FLT1: variants seen among roughly 807,000 people sequenced by gnomAD.
FLT1 encodes vascular endothelial growth factor receptor 1.
Under a neutral mutation model 156.3 loss-of-function variants are expected in FLT1, and 49 were observed. The observed-to-expected ratio is 0.31, with a 90% CI of 0.25 to 0.40. The LOEUF is 0.40. Among genes scored for constraint, FLT1 ranks in the 10% least tolerant of loss-of-function variants. The pLI, the probability that FLT1 is intolerant of heterozygous loss-of-function variation, is 1.00. For synonymous variants in FLT1, 594 were observed against 583.8 expected, an observed-to-expected ratio of 1.02 and a Z score of -0.25; for missense variants, 1,322 against 1,637.2, an observed-to-expected ratio of 0.81 and a Z score of 3.32.
chr13:28,402,808 G>A (rs952397165), intron 11 of FLT1, among the ~76,000 whole-genome samples: 1 of 151,716 alleles, frequency 6.6e-6, no homozygotes, highest in Non-Finnish European at 1.5e-5. Context: ...TTTACTTTTT[G>A]AGACAGAGTC....
intron 14 of FLT1, among the ~76,000 whole-genome samples, chr13:28,381,993 C>A (rs1199232648): frequency 6.6e-6 from 1 of 151,996 alleles, no homozygotes; most frequent in Non-Finnish European, 1.5e-5. Context: ...ATAAATAAGA[C>A]AAATAAGATA....
chr13:28,364,953 T>G (rs1036843230), intron 14 of FLT1, among the ~76,000 whole-genome samples: 5 of 152,218 alleles, frequency 3.3e-5, no homozygotes, highest in African/African-American at 1.2e-4. Flanking sequence ...ACTTCAGATT[T>G]TGCTTGTCAA....
intron 10 of FLT1, among the ~76,000 whole-genome samples, chr13:28,422,353 A>T (rs1013663334): frequency 4.6e-5 from 7 of 152,126 alleles, no homozygotes; most frequent in Non-Finnish European, 1.0e-4. Context: ...ACGTGGTACA[A>T]CTCTGTCTAT....
intron 15 of FLT1, among the ~76,000 whole-genome samples, chr13:28,351,051 G>A (rs1228041349): frequency 1.3e-5 from 2 of 149,948 alleles, no homozygotes; most frequent in African/African-American, 2.5e-5. Flanking sequence ...TGGACCTCAA[G>A]TGCAGAGTAA....
intron 25 of FLT1, 70 bp downstream of exon 25, chr13:28,317,428 A>G: frequency 1.0e-6 from 1 of 961,074 alleles, no homozygotes; most frequent in Non-Finnish European, 1.7e-6. Context: ...TCCATAAAAC[A>G]TCCCCTCTCA....
At chr13:28,480,567 G>A (rs1880776393) in intron 1 of FLT1, among the ~76,000 whole-genome samples, 1 of 152,184 alleles carries the variant, frequency 6.6e-6, no homozygotes, top group Admixed American at 6.5e-5. Context: ...ATGTGTATTT[G>A]CTAAAAGAAA....
rs921516288 is a variant in FLT1 at position 28,416,807 on chromosome 13, T to G, written c.1436+10352A>C. On this transcript the variant is annotated intron_variant, in intron 10 of 29. Coordinates refer to ENST00000282397, the MANE Select transcript of FLT1 (RefSeq NM_002019.4). ...TCATCCTACGTGTTCAAGTACTTTT[T>G]TCATACTCACAAGGGCTGATTTGTC... is the stretch of plus-strand genomic sequence containing the variant. Among the ~76,000 whole-genome samples, 48 of 152,218 alleles carry G rather than the reference T, an allele frequency of 3.2e-4. 2 individuals carry two copies. Among genetic ancestry groups the G allele is most frequent in the Non-Finnish European group, 8.8e-5 (6 of 68,038 alleles).
intron 14 of FLT1, among the ~76,000 whole-genome samples, chr13:28,376,546 G>A (rs778251489): frequency 6.6e-6 from 1 of 152,092 alleles, no homozygotes; most frequent in Non-Finnish European, 1.5e-5. Context: ...ACTTTTTTCA[G>A]CCTTTTAATG....
In FLT1 at chr13:28,306,532, G is replaced by T. The variant is rs1269007649; in HGVS notation, c.3815+146C>A. The stretch of plus-strand genomic sequence containing the variant: ...GATGTTCCCCTTTTTTTGCCCTCTG[G>T]GGGGAAATGGTTTTCTGCAACTCCC... On this transcript the variant is annotated intron_variant, in intron 29 of 29. Transcript: ENST00000282397. The T allele has an allele frequency of 4.4e-6, 3 of 682,596 alleles. No individual in the cohort carries two copies. The Admixed American group carries it at 6.5e-5, about 15-fold the overall frequency. 42.3% of individuals were successfully genotyped at this position (682,596 alleles called of 1,614,324 possible).
intron 29 of FLT1, 152 bp downstream of exon 29, chr13:28,306,526 C>T: frequency 4.5e-6 from 3 of 663,222 alleles, no homozygotes. Flanking sequence ...CTTTTTTTGC[C>T]CTCTGGGGGG....
intron 14 of FLT1, among the ~76,000 whole-genome samples, chr13:28,377,358 A>G (rs1873880610): frequency 6.6e-6 from 1 of 152,196 alleles, no homozygotes; most frequent in Admixed American, 6.6e-5. Context: ...TAGGAAAATT[A>G]AAGCACAAAG....
At chr13:28,320,428 C>T (rs900942153) in intron 23 of FLT1, among the ~76,000 whole-genome samples, 1 of 152,254 alleles carries the variant, frequency 6.6e-6, no homozygotes, top group African/African-American at 2.4e-5. Context: ...TCAGCACCTT[C>T]TAGAACAAAC....
At chr13:28,431,480 G>C (rs928651796) in intron 6 of FLT1, among the ~76,000 whole-genome samples, 170 bp from the exon 7 acceptor site, 38 of 152,238 alleles carry the variant, frequency 2.5e-4, no homozygotes, top group Non-Finnish European at 1.9e-4. Flanking sequence ...TCTGTGTCTA[G>C]AGGTGCTTCA....
In FLT1 at chr13:28,363,848, T is replaced by A. The variant is rs186846680; in HGVS notation, c.2117-6163A>T. 3.3e-5 allele frequency among the ~76,000 whole-genome samples: 5 copies of A among 152,300 alleles called. No individual in the cohort carries two copies. In the East Asian group the frequency reaches 9.6e-4, roughly 29 times the overall value. On this transcript the variant is annotated intron_variant, in intron 14 of 29. Coordinates refer to ENST00000282397, the MANE Select transcript of FLT1 (RefSeq NM_002019.4). The stretch of plus-strand genomic sequence containing the variant: ...GTCTTGAACTCCTGACCTCAAGCGA[T>A]CTGCTGGCCTTGGTCTCCCAAAGTG...
At position 28,317,518 on chromosome 13, in the gene FLT1, A is replaced by T. The variant is rs761065238; in HGVS notation, c.3366T>A (p.Pro1122=). The part of the protein sequence containing the change: ...RLREGMRMRA[P]EYSTPEIYQI... ...CTCACATTTCAGGAGTAGAGTACTC[A>T]GGAGCTCTCATCCTCATGCCTTCCC... Residue 1122 remains proline (P), a synonymous_variant, in exon 25 of 30, where the codon CCT becomes CCA. Transcript: ENST00000282397. 2 of 1,612,188 alleles carry T rather than the reference A, an allele frequency of 1.2e-6. No individual in the cohort carries two copies. Among genetic ancestry groups the T allele is most frequent in the African/African-American group, 2.7e-5 (2 of 74,884 alleles).
intron 14 of FLT1, among the ~76,000 whole-genome samples, chr13:28,374,257 G>GA (rs947108306): frequency 3.3e-5 from 5 of 149,970 alleles, no homozygotes; most frequent in Non-Finnish European, 5.9e-5. Context: ...CTCTACAAAA[G>GA]AAAAAAAAAT....
chr13:28,418,083 C>T (rs889435503), intron 10 of FLT1, among the ~76,000 whole-genome samples: 2 of 152,114 alleles, frequency 1.3e-5, no homozygotes, highest in Non-Finnish European at 2.9e-5. Flanking sequence ...AGATCAAATA[C>T]CCCTGGATGG....
At chr13:28,355,353 G>T (rs1003240751) in intron 15 of FLT1, among the ~76,000 whole-genome samples, 2 of 152,170 alleles carry the variant, frequency 1.3e-5, no homozygotes, top group Non-Finnish European at 2.9e-5. Context: ...TGCACATAAA[G>T]GTCCTAAATA....
chr13:28,491,616 A>G (rs994111697), intron 1 of FLT1, among the ~76,000 whole-genome samples: 10 of 152,200 alleles, frequency 6.6e-5, no homozygotes, highest in South Asian at 6.2e-4. Context: ...TACTAAAGAA[A>G]AAGAAAGTTT....
Sources: allele counts gnomAD v4.1 joint callset (sites outside exome capture counted in the v4.1 genomes callset), GRCh38; gene constraint gnomAD v4.1.1; transcripts MANE v1.5; gene names NCBI Gene and HGNC (gene_info 2026-07-23, HGNC 2026-07-21).